LIPJ: variants seen among roughly 807,000 people sequenced by gnomAD.
LIPJ encodes the protein lipase family member J.
Under a neutral mutation model 39.8 loss-of-function variants are expected in LIPJ, and 33 were observed. That is an observed-to-expected ratio of 0.83 (90% CI 0.63 to 1.11). The LOEUF (loss-of-function observed/expected upper bound fraction) is 1.11, where lower values mean the gene tolerates loss of function less well. LIPJ is among the 50% of genes least tolerant of loss of function. LIPJ has a pLI of 0.00. For missense variants in LIPJ, 422 were observed against 427.9 expected (o/e 0.99, Z 0.12); for synonymous variants, 128 against 139.2 (o/e 0.92, Z 0.57).
rs753563472 is a variant in LIPJ, at chr10:88,591,362, C to T, written c.10-16C>T. 2 of 1,569,082 alleles carry T rather than the reference C, an allele frequency of 1.3e-6. No individual in the cohort carries two copies. The highest frequency in any genetic ancestry group is 1.7e-6 in the Non-Finnish European group (2 of 1,160,804). On this transcript the variant is annotated splice_polypyrimidine_tract_variant and intron_variant, in intron 3 of 10. Coordinates refer to ENST00000371939, the Ensembl canonical transcript of LIPJ. ...TAACAATTTTATGCTAAAAGATTTG[C>T]TTTTTCTTTATCTAGAGCCAGATTA...
upstream of LIPJ, chr10:88,583,102 A>C (rs752142693): frequency 1.1e-5 from 17 of 1,614,058 alleles, no homozygotes; most frequent in Non-Finnish European, 1.4e-5. Context: ...CCACACAGCA[A>C]GGTACAAGGG....
downstream of LIPJ, among the ~76,000 whole-genome samples, chr10:88,610,003 C>G (rs1340826811): frequency 6.6e-6 from 1 of 152,036 alleles, no homozygotes; most frequent in East Asian, 1.9e-4. Context: ...TAAAAGCCCC[C>G]CAATTAATGG....
At chr10:88,617,007 CCCCACCACT>C in the LIPJ span, among the ~76,000 whole-genome samples, 1 of 152,088 alleles carries the variant, frequency 6.6e-6, no homozygotes, top group Non-Finnish European at 1.5e-5. Flanking sequence ...AATCCCATAG[CCCCACCACT>C]CTCTTCCCTT....
chr10:88,610,598 A>T (rs1429115446), downstream of LIPJ, among the ~76,000 whole-genome samples: 6 of 152,196 alleles, frequency 3.9e-5, no homozygotes, highest in Non-Finnish European at 5.9e-5. Flanking sequence ...AAACAATTTT[A>T]AAAAATTTTA....
chr10:88,595,064 C>G (rs1049144205), intron 6 of LIPJ, among the ~76,000 whole-genome samples: 2 of 151,668 alleles, frequency 1.3e-5, no homozygotes, highest in Non-Finnish European at 3.0e-5. Context: ...AGTGAGATTG[C>G]CACTATTATT....
the LIPJ span, among the ~76,000 whole-genome samples, chr10:88,620,256 A>C: frequency 6.6e-6 from 1 of 152,316 alleles, no homozygotes; most frequent in South Asian, 2.1e-4. Context: ...GTGGAATCCA[A>C]AATAGGATTC....
At chr10:88,614,538 C>A in the LIPJ span, among the ~76,000 whole-genome samples, 15 of 152,122 alleles carry the variant, frequency 9.9e-5, no homozygotes, top group African/African-American at 2.4e-5. Flanking sequence ...TATTAAAATA[C>A]TATTTTGAAA....
downstream of LIPJ, among the ~76,000 whole-genome samples, chr10:88,610,570 A>G (rs1040745391): frequency 1.3e-5 from 2 of 152,142 alleles, no homozygotes; most frequent in African/African-American, 4.8e-5. Context: ...TAAAATTTTT[A>G]TAAAATTACA....
At chr10:88,600,220 T>G (rs1851426822) in intron 8 of LIPJ, among the ~76,000 whole-genome samples, 2 of 152,170 alleles carry the variant, frequency 1.3e-5, no homozygotes, top group Admixed American at 1.3e-4. Flanking sequence ...AACTTAAACA[T>G]TCTCAGCCAT....
chr10:88,609,574 A>G (rs1288190272), downstream of LIPJ, among the ~76,000 whole-genome samples: 1 of 152,178 alleles, frequency 6.6e-6, no homozygotes, highest in Non-Finnish European at 1.5e-5. Context: ...AGACAATGGA[A>G]AGCTAAAAAC....
the LIPJ span, among the ~76,000 whole-genome samples, chr10:88,613,174 C>T: frequency 2.6e-5 from 4 of 151,988 alleles, no homozygotes; most frequent in Non-Finnish European, 5.9e-5. Context: ...CTTGTTTCTT[C>T]GGGGCAATAG....
intron 8 of LIPJ, among the ~76,000 whole-genome samples, chr10:88,599,649 G>T (rs1007057916): frequency 1.1e-4 from 16 of 149,922 alleles, no homozygotes; most frequent in Admixed American, 8.0e-4. Flanking sequence ...GTGTATGTAT[G>T]TATATATATA....
chr10:88,606,969 T>G (rs1016334834), exon 11 of LIPJ: 26 of 1,381,380 alleles, frequency 1.9e-5, no homozygotes, highest in Admixed American at 3.0e-5. Flanking sequence ...AATTCTTATT[T>G]TTTTTTACCT....
At chr10:88,594,002 A>T (rs746878385) in exon 5 of LIPJ, 39 of 1,612,336 alleles carry the variant, frequency 2.4e-5, no homozygotes, top group Non-Finnish European at 3.2e-5. Context: ...CAGCAGCTGG[A>T]TTTCCAATCT....
chr10:88,607,341 G>T (rs1453903872), downstream of LIPJ, among the ~76,000 whole-genome samples: 2 of 152,102 alleles, frequency 1.3e-5, no homozygotes, highest in Non-Finnish European at 1.5e-5. Flanking sequence ...GGAGTTTGGG[G>T]AGAAAAGAAA....
At chr10:88,585,298 C>A (rs1850871942), upstream of LIPJ, among the ~76,000 whole-genome samples, 1 of 152,178 alleles carries the variant, frequency 6.6e-6, no homozygotes. Context: ...CCAGCTTCCT[C>A]ATTTCTATTA....
chr10:88,583,112 G>A, upstream of LIPJ: 1 of 1,614,142 alleles, frequency 6.2e-7, no homozygotes, highest in Non-Finnish European at 8.5e-7. Context: ...AGGTACAAGG[G>A]ACCGGACGTC....
chr10:88,610,330 T>C (rs1019665718), downstream of LIPJ, among the ~76,000 whole-genome samples: 10 of 152,336 alleles, frequency 6.6e-5, no homozygotes, highest in South Asian at 2.1e-3. Flanking sequence ...TAAATTATAT[T>C]TTTATGTACT....
intron 4 of LIPJ, 144 bp downstream of exon 4, chr10:88,591,642 A>G (rs1350726884): frequency 1.1e-5 from 7 of 611,072 alleles, no homozygotes; most frequent in Non-Finnish European, 1.8e-5. Flanking sequence ...GCATGCTACA[A>G]GAAGAGTCAC....
Sources: allele counts gnomAD v4.1 joint callset (sites outside exome capture counted in the v4.1 genomes callset), GRCh38; gene constraint gnomAD v4.1.1; transcripts MANE v1.5; gene names NCBI Gene and HGNC (gene_info 2026-07-23, HGNC 2026-07-21).